The following RMI1 variants were observed in gnomAD, a reference collection of about 807,000 sequenced individuals.
RMI1 encodes recQ-mediated genome instability protein 1.
RMI1 carries 36 observed loss-of-function variants against 46.7 expected under a neutral mutation model. The observed-to-expected ratio is 0.77, with a 90% CI of 0.59 to 1.02. The LOEUF is 1.02. RMI1 is among the 50% of genes least tolerant of loss of function. The pLI, the probability that RMI1 is intolerant of heterozygous loss-of-function variation, is 0.00. For missense variants in RMI1, 676 were observed against 713.7 expected, an observed-to-expected ratio of 0.95 and a Z score of 0.60; for synonymous variants, 250 against 252.9, an observed-to-expected ratio of 0.99 and a Z score of 0.11.
At position 84,001,820 on chromosome 9, in the gene RMI1, T is replaced by G; in HGVS notation, c.834T>G (p.Ile278Met). 1.2e-6 allele frequency: 2 copies of G among 1,614,094 alleles called. No individual in the cohort carries two copies. The highest frequency in any genetic ancestry group is 1.7e-6 in the Non-Finnish European group (2 of 1,179,968). ...CFTTGSSSNT[I>M]PTRQSSFEPE... is the part of the protein sequence containing the mutation. ...CCACAGGTAGTTCCTCAAATACCAT[T>G]CCCACAAGACAGTCAAGTTTTGAGC... is the stretch of plus-strand genomic sequence containing the variant. Residue 278 changes from isoleucine to methionine, a missense_variant, in exon 3 of 3, where the codon ATT (isoleucine) becomes ATG (methionine). Transcript: ENST00000445877.
Position 84,002,946 on chromosome 9 carries a change from T to G in RMI1, c.*82T>G, listed in dbSNP as rs536851261. ...GTTCACAATTTTACTTATGATACTT[T>G]GTGTAAAAAGGAAAAATGAAATTTC... On this transcript the variant is annotated 3_prime_UTR_variant, in exon 3 of 3. Coordinates refer to ENST00000445877, the MANE Select transcript of RMI1 (RefSeq NM_001358291.2). 8.1e-6 allele frequency: 7 copies of G among 864,164 alleles called. No individual in the cohort carries two copies. In the South Asian group the frequency reaches 1.8e-4, roughly 22 times the overall value. The allele number at this position is 864,164 out of a possible 1,614,324, so 53.5% of individuals were successfully genotyped here. A position where few individuals can be genotyped will look rare whatever the true frequency, so the allele number is the denominator to read the frequency against.
At chr9:83,984,930 G>C (rs2133101037) in intron 1 of RMI1, among the ~76,000 whole-genome samples, 1 of 152,276 alleles carries the variant, frequency 6.6e-6, no homozygotes, top group East Asian at 1.9e-4. Flanking sequence ...TTGGACAGTG[G>C]AGTTCTTTAG....
chr9:83,981,839 CCACCCAG>C (rs1179905114), intron 1 of RMI1, among the ~76,000 whole-genome samples: 6 of 152,166 alleles, frequency 3.9e-5, no homozygotes, highest in Non-Finnish European at 7.3e-5. Flanking sequence ...ATGATTGCAT[CCACCCAG>C]CATCTTTTAC....
intron 1 of RMI1, among the ~76,000 whole-genome samples, chr9:83,993,527 T>G (rs1457344245): frequency 6.6e-6 from 1 of 152,162 alleles, no homozygotes; most frequent in African/African-American, 2.4e-5. Flanking sequence ...AATGTGGTAG[T>G]TCTAGTTTTA....
chr9:83,998,996 C>T (rs1957699160), intron 1 of RMI1, among the ~76,000 whole-genome samples: 1 of 152,018 alleles, frequency 6.6e-6, no homozygotes, highest in Non-Finnish European at 1.5e-5. Flanking sequence ...CAAAAAGTAG[C>T]CAGGTGTGGT....
intron 1 of RMI1, among the ~76,000 whole-genome samples, chr9:83,997,629 C>G (rs978746989): frequency 1.3e-5 from 2 of 151,954 alleles, no homozygotes; most frequent in African/African-American, 4.8e-5. Flanking sequence ...TTTTAAACAA[C>G]CAGATCTCAG....
At chr9:83,993,946 A>ATTTT (rs35033710) in intron 1 of RMI1, among the ~76,000 whole-genome samples, 53 of 127,184 alleles carry the variant, frequency 4.2e-4, no homozygotes, top group African/African-American at 1.3e-3. Flanking sequence ...TGCCCGGCTA[A>ATTTT]TTTTTTTTTT....
In RMI1 at chr9:84,002,104, G is replaced by A; in HGVS notation, c.1118G>A (p.Trp373Ter). The stretch of plus-strand genomic sequence containing the variant: ...ACTTGCAAAAATGGAAACAATAATT[G>A]GAGTGAAAAAAATGTATCTGAACAA... ...SLTCKNGNNN[W>*]SEKNVSEQMT... The change falls in exon 3 of 3, where the codon TGG becomes TAG. Residue 373 changes from tryptophan (W) to a stop codon, truncating the protein, a stop_gained. Transcript: ENST00000445877. LOFTEE classifies it high-confidence loss of function. 1 of 1,613,602 alleles carries A rather than the reference G, an allele frequency of 6.2e-7. No individual in the cohort carries two copies. The highest frequency in any genetic ancestry group is 8.5e-7 in the Non-Finnish European group (1 of 1,179,848).
chr9:84,000,973 T>C lies in RMI1; in HGVS notation c.-14T>C, dbSNP rs779538137. 6.4e-7 allele frequency: 1 copy of C among 1,553,794 alleles called. No homozygotes were observed. Among genetic ancestry groups the C allele is most frequent in the South Asian group, 1.2e-5 (1 of 81,956 alleles). On this transcript the variant is annotated 5_prime_UTR_variant, in exon 3 of 3. Transcript: ENST00000445877. ...CAGGTAATAGATGCATATTATTTCT[T>C]TTATTTAAAAGAAATGAATGTGACT... is the stretch of plus-strand genomic sequence containing the variant.
In RMI1 at chr9:83,987,616, C is replaced by T. The variant is rs927760580; in HGVS notation, c.-126+6725C>T. ...ACCATCGTCATGTTATAGAACAATTCCATCACCCCAAAAATTTTCTTTTGC... is the reference window on the plus strand; with the variant it reads ...ACCATCGTCATGTTATAGAACAATTTCATCACCCCAAAAATTTTCTTTTGC... On this transcript the variant is annotated intron_variant, in intron 1 of 2. Coordinates refer to ENST00000445877, the MANE Select transcript of RMI1 (RefSeq NM_001358291.2). Among the ~76,000 whole-genome samples the T allele has an allele frequency of 1.5e-4, 23 of 152,258 alleles. No homozygotes were observed. The South Asian group carries it at 2.5e-3, about 16-fold the overall frequency.
chr9:83,992,675 A>G (rs1042073440), intron 1 of RMI1, among the ~76,000 whole-genome samples: 4 of 152,232 alleles, frequency 2.6e-5, no homozygotes, highest in African/African-American at 9.6e-5. Flanking sequence ...GATTACAAAT[A>G]AATTTTAGTG....
Position 84,001,995 on chromosome 9 carries a change from C to T in RMI1, c.1009C>T (p.Gln337Ter), listed in dbSNP as rs1235333511. 1 of 1,613,934 alleles carries T rather than the reference C, an allele frequency of 6.2e-7. No individual in the cohort carries two copies. Among genetic ancestry groups the T allele is most frequent in the Non-Finnish European group, 8.5e-7 (1 of 1,179,966 alleles). ...QKEQMETKEL[Q>*]PLTFNRNADR... ...AGAACAGATGGAAACTAAGGAATTG[C>T]AACCATTGACTTTTAACAGAAATGC... The change falls in exon 3 of 3, where the codon CAA becomes TAA. Residue 337 changes from glutamine (Q) to a stop codon, truncating the protein, a stop_gained. Coordinates refer to ENST00000445877, the MANE Select transcript of RMI1 (RefSeq NM_001358291.2). LOFTEE classifies it high-confidence loss of function.
At chr9:83,986,073 A>C (rs1957486314) in intron 1 of RMI1, among the ~76,000 whole-genome samples, 1 of 152,236 alleles carries the variant, frequency 6.6e-6, no homozygotes, top group South Asian at 2.1e-4. Flanking sequence ...AAATTAAAAA[A>C]TAAACTGATA....
chr9:83,982,077 A>G (rs939749911), intron 1 of RMI1, among the ~76,000 whole-genome samples: 2 of 152,232 alleles, frequency 1.3e-5, no homozygotes, highest in Non-Finnish European at 2.9e-5. Flanking sequence ...CTTAACTCGC[A>G]TTTCAGTTCT....
chr9:83,985,064 C>T (rs1957470763), intron 1 of RMI1, among the ~76,000 whole-genome samples: 1 of 152,044 alleles, frequency 6.6e-6, no homozygotes, highest in African/African-American at 2.4e-5. Flanking sequence ...GGATGAAAAC[C>T]TTAGGAATTA....
At chr9:83,994,829 GTTATC>G (rs1957626440) in intron 1 of RMI1, among the ~76,000 whole-genome samples, 2 of 151,888 alleles carry the variant, frequency 1.3e-5, no homozygotes, top group Admixed American at 6.6e-5. Flanking sequence ...CCACATTTTT[GTTATC>G]TTATATTTTA....
intron 1 of RMI1, among the ~76,000 whole-genome samples, chr9:83,985,971 C>T (rs557076470): frequency 8.1e-4 from 123 of 151,964 alleles, no homozygotes; most frequent in African/African-American, 2.9e-3. Flanking sequence ...ATTGCACCAC[C>T]GCACTCCAGC....
chr9:83,985,287 A>G (rs1957473324), intron 1 of RMI1, among the ~76,000 whole-genome samples: 1 of 152,350 alleles, frequency 6.6e-6, no homozygotes, highest in Non-Finnish European at 1.5e-5. Context: ...TAGGAATTAT[A>G]TCTGTATCCT....
intron 1 of RMI1, among the ~76,000 whole-genome samples, chr9:83,985,998 G>A (rs1027945225): frequency 6.6e-6 from 1 of 151,644 alleles, no homozygotes; most frequent in African/African-American, 2.4e-5. Flanking sequence ...GACAGAGCAA[G>A]ACTCCAAAAA....
Sources: gnomAD v4.1 joint callset for allele counts (sites outside exome capture counted in the v4.1 genomes callset) on GRCh38, gnomAD v4.1.1 for gene constraint, MANE v1.5 for transcripts, NCBI Gene and HGNC (gene_info 2026-07-23, HGNC 2026-07-21) for gene names.